ANKRD18B: variants seen among roughly 807,000 people sequenced by gnomAD.
ANKRD18B encodes ankyrin repeat domain 18B, also known as ankyrin repeat domain-containing protein 18B.
A neutral mutation model predicts 111.8 loss-of-function variants in ANKRD18B; 75 were observed. That is an observed-to-expected ratio of 0.67 (90% CI 0.56 to 0.81). The LOEUF is 0.81. ANKRD18B is among the 40% of genes least tolerant of loss of function. ANKRD18B has a pLI of 0.00. For synonymous variants in ANKRD18B, 356 were observed against 417.3 expected (o/e 0.85, Z 1.79); for missense variants, 1,038 against 1,225.5 (o/e 0.85, Z 2.28).
chr9:33,530,643 A>C (rs1313187697), intron 3 of ANKRD18B, among the ~76,000 whole-genome samples: 1 of 152,196 alleles, frequency 6.6e-6, no homozygotes, highest in Non-Finnish European at 1.5e-5. Flanking sequence ...AAATCTCTAA[A>C]AGAGTTGGCA....
chr9:33,532,377 T>C (rs1415551663), intron 3 of ANKRD18B, among the ~76,000 whole-genome samples: 1 of 152,184 alleles, frequency 6.6e-6, no homozygotes, highest in Non-Finnish European at 1.5e-5. Context: ...AAAAAAATAA[T>C]GTTAAATAGC....
intron 14 of ANKRD18B, among the ~76,000 whole-genome samples, chr9:33,565,736 G>A (rs1003541192): frequency 1.3e-5 from 2 of 152,052 alleles, no homozygotes; most frequent in Non-Finnish European, 1.5e-5. Flanking sequence ...GCCTCCTAAA[G>A]TGCTGGGATT....
rs376067669 is a variant in ANKRD18B at position 33,548,780 on chromosome 9, T to C, written c.1992T>C (p.Asn664=). The C allele has an allele frequency of 3.9e-6, 6 of 1,546,142 alleles. No individual in the cohort carries two copies. Among genetic ancestry groups the C allele is most frequent in the East Asian group, 4.9e-5 (2 of 40,860 alleles). The part of the protein sequence containing the change: ...NGKEDLLEER[N]KELMNEYNYL... ...AGGAAGATCTTCTAGAAGAAAGAAA[T>C]AAGGAATTAATGAATGAATATAATT... The change falls in exon 11 of 19, where the codon AAT becomes AAC. Residue 664 remains asparagine, a synonymous_variant. Transcript: ENST00000684830.
chr9:33,528,198 G>A (rs1828054403), intron 1 of ANKRD18B, among the ~76,000 whole-genome samples: 1 of 152,184 alleles, frequency 6.6e-6, no homozygotes, highest in African/African-American at 2.4e-5. Context: ...CTATTCAGGA[G>A]GCTGGGGCAG....
intron 12 of ANKRD18B, among the ~76,000 whole-genome samples, chr9:33,553,667 A>G (rs1249560855): frequency 3.3e-5 from 5 of 152,208 alleles, no homozygotes; most frequent in African/African-American, 1.2e-4. Context: ...TGTCCCCCAA[A>G]AGGAACTTTA....
intron 16 of ANKRD18B, among the ~76,000 whole-genome samples, chr9:33,568,336 T>G (rs1828717139): frequency 6.6e-6 from 1 of 152,190 alleles, no homozygotes; most frequent in African/African-American, 2.4e-5. Flanking sequence ...TACAAGTATA[T>G]CTAAAGGAAT....
At chr9:33,569,474 A>G (rs1323132056) in intron 17 of ANKRD18B, among the ~76,000 whole-genome samples, 2 of 151,904 alleles carry the variant, frequency 1.3e-5, no homozygotes, top group African/African-American at 2.4e-5. Flanking sequence ...CATATTGGCC[A>G]GGCAGGTCTC....
rs1162006989 is a variant in ANKRD18B, at chr9:33,524,422, G to T, written c.-68G>T. ...GGATCTCGAATTTGGAGCTGGGTGG[G>T]GGTGGAAAGGCCACGAGGAGCCGCG... On this transcript the variant is annotated 5_prime_UTR_variant, in exon 1 of 19. Coordinates refer to ENST00000684830, the MANE Select transcript of ANKRD18B (RefSeq NM_001393611.1). The T allele has an allele frequency of 2.0e-6, 3 of 1,464,966 alleles. No homozygotes were observed. The highest frequency in any genetic ancestry group is 2.7e-6 in the Non-Finnish European group (3 of 1,103,236). 90.7% of individuals were successfully genotyped at this position (1,464,966 alleles called of 1,614,324 possible).
In ANKRD18B at chr9:33,550,484, A is replaced by G. The variant is rs1488446650; in HGVS notation, c.2122A>G (p.Met708Val). 103 of 1,548,408 alleles carry G rather than the reference A, an allele frequency of 6.7e-5. No individual in the cohort carries two copies. Among genetic ancestry groups the G allele is most frequent in the East Asian group, 3.4e-4 (14 of 40,784 alleles). The stretch of plus-strand genomic sequence containing the variant: ...GGTCGATCATCTTAAAAAATTTTCA[A>G]TGTCAGAGTCTCCACTGGAAGGTAC... ...ELVDHLKKFSMSESPLEGTSH... is the reference protein window; with the variant it reads ...ELVDHLKKFSVSESPLEGTSH... Residue 708 changes from methionine (M) to valine (V), a missense_variant, in exon 12 of 19, where the codon ATG becomes GTG. Physicochemically the swap from Met to Val is conservative, Grantham distance 21 (BLOSUM62 1). Coordinates refer to ENST00000684830, the MANE Select transcript of ANKRD18B (RefSeq NM_001393611.1).
chr9:33,567,077 A>C, intron 15 of ANKRD18B, 26 bp from the exon 16 acceptor site: 1 of 1,502,272 alleles, frequency 6.7e-7, no homozygotes. Context: ...ATTGTTTTAA[A>C]AGTGTATTCT....
intron 2 of ANKRD18B, 35 bp downstream of exon 2, chr9:33,528,876 G>A (rs759636580): frequency 6.4e-7 from 1 of 1,572,292 alleles, no homozygotes; most frequent in South Asian, 1.2e-5. Context: ...AAATGGATTT[G>A]ATTTAAATAC....
intron 17 of ANKRD18B, among the ~76,000 whole-genome samples, chr9:33,569,291 G>T (rs1217792801): frequency 7.8e-6 from 1 of 128,410 alleles, no homozygotes; most frequent in Non-Finnish European, 1.6e-5. Context: ...TTGAGATGGA[G>T]TCTCACTCTG....
At chr9:33,530,453 C>CCTG (rs2117979787) in intron 3 of ANKRD18B, among the ~76,000 whole-genome samples, 1 of 150,704 alleles carries the variant, frequency 6.6e-6, no homozygotes, top group Admixed American at 6.6e-5. Flanking sequence ...TGGAGACCAT[C>CCTG]CTGGCTAACA....
At chr9:33,563,917 G>C in intron 14 of ANKRD18B, among the ~76,000 whole-genome samples, 1 of 152,126 alleles carries the variant, frequency 6.6e-6, no homozygotes, top group Non-Finnish European at 1.5e-5. Context: ...CCATTAACCA[G>C]ACTCCCCTCT....
intron 2 of ANKRD18B, 45 bp downstream of exon 2, chr9:33,528,886 C>T: frequency 1.9e-6 from 3 of 1,565,040 alleles, no homozygotes; most frequent in Non-Finnish European, 8.7e-7. Context: ...GATTTAAATA[C>T]ATAGAATTAA....
intron 5 of ANKRD18B, among the ~76,000 whole-genome samples, chr9:33,535,474 A>T (rs1174858378): frequency 4.6e-5 from 7 of 151,700 alleles, no homozygotes; most frequent in Non-Finnish European, 8.8e-5. Flanking sequence ...TTTTTAGTAG[A>T]GACGGGGTTT....
chr9:33,554,763 T>A (rs928283453), intron 12 of ANKRD18B, among the ~76,000 whole-genome samples: 1 of 152,078 alleles, frequency 6.6e-6, no homozygotes, highest in African/African-American at 2.4e-5. Flanking sequence ...ACTCAACATC[T>A]GACAAACTGG....
chr9:33,566,343 T>C lies in ANKRD18B; in HGVS notation c.2585T>C (p.Leu862Pro). 1 of 1,568,232 alleles carries C rather than the reference T, an allele frequency of 6.4e-7. No individual in the cohort carries two copies. Among genetic ancestry groups the C allele is most frequent in the Non-Finnish European group, 8.7e-7 (1 of 1,153,472 alleles). The change falls in exon 15 of 19, where the codon CTT becomes CCT. Residue 862 changes from leucine (L) to proline (P), a missense_variant. Leu to Pro is a moderately conservative substitution (Grantham distance 98). This residue lies in a region of ANKRD18B where 524 missense variants were observed against 677.9 expected (regional missense o/e 0.77). Transcript: ENST00000684830. ...AAAGTACAAGAGAAATGTGAAAAAC[T>C]TGAGAAGGATAAAAAGATGTTGGAA... Reference protein sequence around the residue: ...MGKVQEKCEKLEKDKKMLEEK... With the variant: ...MGKVQEKCEKPEKDKKMLEEK...
intron 14 of ANKRD18B, among the ~76,000 whole-genome samples, chr9:33,560,453 A>G (rs1202275856): frequency 6.6e-6 from 1 of 152,156 alleles, no homozygotes; most frequent in South Asian, 2.1e-4. Context: ...CGGATGTTTT[A>G]TCTGGTGTAG....
Sources: allele counts gnomAD v4.1 joint callset (sites outside exome capture counted in the v4.1 genomes callset), GRCh38; gene constraint gnomAD v4.1.1; regional missense constraint gnomAD v4.1.1; transcripts MANE v1.5; gene names NCBI Gene and HGNC (gene_info 2026-07-23, HGNC 2026-07-21).